NRG3: variants seen among roughly 807,000 people sequenced by gnomAD.
NRG3 encodes pro-neuregulin-3, membrane-bound isoform.
In NRG3, 31 loss-of-function variants were observed where a neutral mutation model predicts 66.9. The observed-to-expected ratio is 0.46, with a 90% CI of 0.35 to 0.63. The LOEUF (loss-of-function observed/expected upper bound fraction) is 0.63. Ranked by LOEUF, NRG3 falls within the 20% of genes least tolerant of loss-of-function variation. The pLI is 0.00. For synonymous variants in NRG3, 393 were observed against 359.4 expected (o/e 1.09, Z -1.06); for missense variants, 910 against 878.9 (o/e 1.04, Z -0.45).
At chr10:82,866,370 G>A (rs1840738866) in intron 4 of NRG3, among the ~76,000 whole-genome samples, 1 of 152,164 alleles carries the variant, frequency 6.6e-6, no homozygotes, top group Non-Finnish European at 1.5e-5. Flanking sequence ...ACTTATCAAA[G>A]TGTTGATTTG....
chr10:81,958,854 A>G (rs1463865836), intron 1 of NRG3, among the ~76,000 whole-genome samples: 1 of 152,120 alleles, frequency 6.6e-6, no homozygotes, highest in Admixed American at 6.5e-5. Flanking sequence ...AAGCCCCACT[A>G]CACTCCAGCT....
At chr10:82,092,388 A>G (rs1280022683) in intron 1 of NRG3, among the ~76,000 whole-genome samples, 1 of 152,066 alleles carries the variant, frequency 6.6e-6, no homozygotes, top group African/African-American at 2.4e-5. Context: ...GAACCCACAC[A>G]CACACACGCA....
At chr10:82,015,649 G>A (rs898560368) in intron 1 of NRG3, among the ~76,000 whole-genome samples, 1 of 151,932 alleles carries the variant, frequency 6.6e-6, no homozygotes, top group African/African-American at 2.4e-5. Flanking sequence ...GGAAGAAGGT[G>A]ACTTAATTGA....
At chr10:82,552,585 C>T (rs931234428) in intron 2 of NRG3, among the ~76,000 whole-genome samples, 7 of 152,118 alleles carry the variant, frequency 4.6e-5, no homozygotes, top group Non-Finnish European at 8.8e-5. Context: ...AAACACAAAA[C>T]ATTTCAGTAA....
intron 2 of NRG3, among the ~76,000 whole-genome samples, chr10:82,532,314 T>G (rs1423496686): frequency 6.6e-6 from 1 of 151,582 alleles, no homozygotes; most frequent in Non-Finnish European, 1.5e-5. Context: ...TCTTTCTGAC[T>G]TACTTCACTT....
intron 2 of NRG3, among the ~76,000 whole-genome samples, chr10:82,599,696 A>C (rs1190496878): frequency 6.6e-6 from 1 of 152,112 alleles, no homozygotes; most frequent in East Asian, 1.9e-4. Flanking sequence ...GCACGCCTGT[A>C]ATCCCAGCTA....
At chr10:82,557,847 T>G (rs551539604) in intron 2 of NRG3, among the ~76,000 whole-genome samples, 1 of 152,288 alleles carries the variant, frequency 6.6e-6, no homozygotes, top group South Asian at 2.1e-4. Flanking sequence ...GAAGTAAGTT[T>G]CCCAAGGTCA....
chr10:82,231,629 A>G (rs1008237570), intron 1 of NRG3, among the ~76,000 whole-genome samples: 1 of 152,232 alleles, frequency 6.6e-6, no homozygotes, highest in African/African-American at 2.4e-5. Context: ...ATATCTGTGC[A>G]TCACATAACA....
intron 1 of NRG3, among the ~76,000 whole-genome samples, chr10:82,112,394 G>A (rs1008482844): frequency 2.0e-5 from 3 of 152,068 alleles, no homozygotes; most frequent in Non-Finnish European, 2.9e-5. Flanking sequence ...TCTTTTTTTA[G>A]GAAGATGAGG....
At chr10:82,310,291 C>T (rs1199479205) in intron 1 of NRG3, among the ~76,000 whole-genome samples, 1 of 152,126 alleles carries the variant, frequency 6.6e-6, no homozygotes, top group Non-Finnish European at 1.5e-5. Flanking sequence ...CCGAGTAAGT[C>T]CAAGAGGTGA....
Position 82,173,099 on chromosome 10 carries a change from G to A in NRG3, c.824-185640G>A, listed in dbSNP as rs888222951. ...TTCACTACCATTATAAAGCAAAGAG[G>A]ATAATTTCAGATTCAGTTTCTACAA... On this transcript the variant is annotated intron_variant, in intron 1 of 8. Transcript: ENST00000372141. Among the ~76,000 whole-genome samples the A allele has an allele frequency of 1.3e-5, 2 of 152,064 alleles. 1 individual carries two copies. Among genetic ancestry groups the A allele is most frequent in the South Asian group, 4.1e-4 (2 of 4,828 alleles).
intron 1 of NRG3, among the ~76,000 whole-genome samples, chr10:81,910,943 C>T (rs1158985738): frequency 2.6e-5 from 4 of 152,332 alleles, no homozygotes; most frequent in Admixed American, 1.3e-4. Context: ...AGGTATGAGC[C>T]ACTGTGCCAG....
At chr10:82,546,529 T>TA (rs1185775199) in intron 2 of NRG3, among the ~76,000 whole-genome samples, 9 of 152,076 alleles carry the variant, frequency 5.9e-5, no homozygotes, top group African/African-American at 1.9e-4. Flanking sequence ...ATATGTTCAG[T>TA]AAAAAAAGCT....
At chr10:82,875,081 T>C (rs1255318284) in intron 4 of NRG3, among the ~76,000 whole-genome samples, 5 of 152,210 alleles carry the variant, frequency 3.3e-5, no homozygotes, top group African/African-American at 1.2e-4. Flanking sequence ...TTGTATTCTC[T>C]CACATGGGGT....
At chr10:81,951,047 G>T (rs996072120) in intron 1 of NRG3, among the ~76,000 whole-genome samples, 3 of 152,242 alleles carry the variant, frequency 2.0e-5, no homozygotes, top group Middle Eastern at 6.8e-3. Context: ...CCATTGGAGG[G>T]TTACAGATTG....
At chr10:82,277,908 C>A (rs931226162) in intron 1 of NRG3, among the ~76,000 whole-genome samples, 3 of 152,046 alleles carry the variant, frequency 2.0e-5, no homozygotes, top group African/African-American at 7.2e-5. Context: ...CCTCCTCAGC[C>A]TTTGGAGAGC....
At chr10:82,451,703 C>CTT (rs1221343717) in intron 2 of NRG3, among the ~76,000 whole-genome samples, 1 of 152,062 alleles carries the variant, frequency 6.6e-6, no homozygotes, top group Admixed American at 6.6e-5. Flanking sequence ...CTCTGCTTGT[C>CTT]TATTTTATTC....
At chr10:82,072,273 G>T (rs1320742551) in intron 1 of NRG3, among the ~76,000 whole-genome samples, 1 of 152,330 alleles carries the variant, frequency 6.6e-6, no homozygotes, top group South Asian at 2.1e-4. Flanking sequence ...GGAGAAACAT[G>T]AAGTGTGATT....
At chr10:82,832,862 C>T (rs760295358) in intron 3 of NRG3, among the ~76,000 whole-genome samples, 26 of 150,964 alleles carry the variant, frequency 1.7e-4, no homozygotes, top group Admixed American at 2.6e-4. Context: ...CTTCATTAGC[C>T]GATGGATACA....
Sources: allele counts gnomAD v4.1 joint callset (sites outside exome capture counted in the v4.1 genomes callset), GRCh38; gene constraint gnomAD v4.1.1; transcripts MANE v1.5; gene names NCBI Gene and HGNC (gene_info 2026-07-23, HGNC 2026-07-21).